Variants in TAF2 observed in about 807,000 individuals in gnomAD.
TAF2 encodes transcription initiation factor TFIID subunit 2.
A neutral mutation model predicts 138.5 loss-of-function variants in TAF2; 61 were observed. The observed-to-expected ratio is 0.44, with a 90% CI of 0.36 to 0.54. The LOEUF (loss-of-function observed/expected upper bound fraction) is 0.54, where lower values mean the gene tolerates loss of function less well. Ranked by LOEUF, TAF2 falls within the 20% of genes least tolerant of loss-of-function variation. TAF2 has a pLI of 0.00. For missense variants in TAF2, 1,090 were observed against 1,427.9 expected, an observed-to-expected ratio of 0.76 and a Z score of 3.81; for synonymous variants, 475 against 469.9, an observed-to-expected ratio of 1.01 and a Z score of -0.14.
intron 18 of TAF2, among the ~76,000 whole-genome samples, chr8:119,770,713 T>C (rs995799796): frequency 2.0e-5 from 3 of 152,142 alleles, no homozygotes; most frequent in Non-Finnish European, 4.4e-5. Flanking sequence ...CACAACACTA[T>C]GACAGGAAGA....
chr8:119,828,262 A>G (rs1826224658), intron 2 of TAF2, among the ~76,000 whole-genome samples: 1 of 152,138 alleles, frequency 6.6e-6, no homozygotes, highest in South Asian at 2.1e-4. Flanking sequence ...GAATGCATCC[A>G]CCAGGGCACA....
chr8:119,765,446 A>G (rs989547922), intron 18 of TAF2, among the ~76,000 whole-genome samples: 2 of 152,164 alleles, frequency 1.3e-5, no homozygotes, highest in African/African-American at 4.8e-5. Context: ...GGAGAAAGGC[A>G]CCCTTGGGTT....
At chr8:119,759,588 G>A (rs2131052171) in intron 20 of TAF2, among the ~76,000 whole-genome samples, 1 of 152,084 alleles carries the variant, frequency 6.6e-6, no homozygotes, top group East Asian at 1.9e-4. Flanking sequence ...TTTGAAATAT[G>A]CATTACATTT....
At chr8:119,761,227 C>T (rs1269910050) in intron 19 of TAF2, among the ~76,000 whole-genome samples, 1 of 152,120 alleles carries the variant, frequency 6.6e-6, no homozygotes, top group Admixed American at 6.5e-5. Flanking sequence ...TAAGTACTTA[C>T]CATTGTGTTA....
rs1259365884 is a variant in TAF2 at position 119,756,094 on chromosome 8, C to T, written c.2790G>A (p.Leu930=). The T allele has an allele frequency of 2.5e-6, 4 of 1,613,304 alleles. No homozygotes were observed. Among genetic ancestry groups the T allele is most frequent in the Non-Finnish European group, 3.4e-6 (4 of 1,179,742 alleles). ...PYVRHKILNM[L]TKNPPFTKNM... Reference sequence around the variant, plus strand: ...TCTTAGTAAATGGTGGGTTCTTAGTCAACATGTTGAGAATCTTATGCCTGA... The same window carrying T: ...TCTTAGTAAATGGTGGGTTCTTAGTTAACATGTTGAGAATCTTATGCCTGA... Residue 930 remains leucine, a synonymous_variant, in exon 22 of 26, where the codon TTG becomes TTA. Coordinates refer to ENST00000378164, the MANE Select transcript of TAF2 (RefSeq NM_003184.4).
At position 119,824,186 on chromosome 8, in the gene TAF2, A is replaced by C. The variant is rs184657824; in HGVS notation, c.139-4680T>G. Among the ~76,000 whole-genome samples, 1,370 of 152,144 alleles carry C rather than the reference A, an allele frequency of 9.0e-3. 16 individuals carry two copies. The highest frequency in any genetic ancestry group is 0.031 in the African/African-American group (1,306 of 41,510). On this transcript the variant is annotated intron_variant, in intron 2 of 25. Coordinates refer to ENST00000378164, the MANE Select transcript of TAF2 (RefSeq NM_003184.4). ...CGGCTCACACCTGTAATCCCAGCAC[A>C]TTGGGAGGCTGAGGCAGGTGGATCA...
chr8:119,744,978 A>C (rs1281123480), intron 23 of TAF2: 2 of 455,570 alleles, frequency 4.4e-6, no homozygotes, highest in Non-Finnish European at 8.8e-6. Context: ...CTTCCTCTTC[A>C]CTCCCTGCTG....
intron 3 of TAF2, among the ~76,000 whole-genome samples, chr8:119,818,678 T>C (rs1466739344): frequency 6.6e-6 from 1 of 151,024 alleles, no homozygotes; most frequent in Non-Finnish European, 1.5e-5. Context: ...CAAACTATAC[T>C]ACACTGAGCA....
At chr8:119,830,259 A>G (rs1477494881) in intron 2 of TAF2, among the ~76,000 whole-genome samples, 1 of 152,132 alleles carries the variant, frequency 6.6e-6, no homozygotes, top group Admixed American at 6.5e-5. Context: ...GGATTAAAAT[A>G]TTATCTATCT....
chr8:119,788,307 T>G (rs759577155), intron 14 of TAF2, 31 bp downstream of exon 14: 2 of 1,577,324 alleles, frequency 1.3e-6, no homozygotes, highest in Non-Finnish European at 1.7e-6. Context: ...GTAGTTTAAC[T>G]TTCAATTTAT....
chr8:119,744,979 C>T, intron 23 of TAF2: 1 of 456,244 alleles, frequency 2.2e-6, no homozygotes, highest in Non-Finnish European at 4.4e-6. Flanking sequence ...TTCCTCTTCA[C>T]TCCCTGCTGA....
Position 119,732,169 on chromosome 8 carries a change from A to G in TAF2, c.3355T>C (p.Leu1119=). Residue 1119 remains leucine, a synonymous_variant, in exon 26 of 26, where the codon TTG becomes CTG. Transcript: ENST00000378164. ...GCCGCTGGATGCATACTCATCTCCA[A>G]AGGTGCTTGTTCTTTACCTTCAAGA... ...RKGTGKEQAP[L]EMSMHPAASA... is the part of the protein sequence containing the mutation. The G allele has an allele frequency of 1.9e-6, 3 of 1,614,156 alleles. No individual in the cohort carries two copies. Among genetic ancestry groups the G allele is most frequent in the Non-Finnish European group, 2.5e-6 (3 of 1,180,020 alleles).
rs968364264 is a variant in TAF2 at position 119,797,718 on chromosome 8, G to A, written c.921C>T (p.Val307=). The part of the protein sequence containing the change: ...CRYPYSCFKT[V]FIDEAYVEVA... ...CTTCAACATAAGCCTCATCAATGAA[G>A]ACAGTCTTAAAACAGGAGTATGGGT... Residue 307 remains valine (V), a synonymous_variant, in exon 7 of 26, where the codon GTC becomes GTT. Transcript: ENST00000378164. 1.7e-5 allele frequency: 27 copies of A among 1,613,612 alleles called. No homozygotes were observed. Among genetic ancestry groups the A allele is most frequent in the Non-Finnish European group, 2.2e-5 (26 of 1,179,732 alleles).
intron 1 of TAF2, among the ~76,000 whole-genome samples, chr8:119,832,100 A>C (rs912671482): frequency 6.6e-6 from 1 of 151,994 alleles, no homozygotes; most frequent in Non-Finnish European, 1.5e-5. Context: ...TGGAGGCTGC[A>C]GTGAGCCGAG....
intron 25 of TAF2, among the ~76,000 whole-genome samples, chr8:119,734,978 T>C (rs976766411): frequency 1.3e-5 from 2 of 152,212 alleles, no homozygotes; most frequent in Admixed American, 6.5e-5. Flanking sequence ...TTTCTTCAAA[T>C]TTCCCAAAGG....
chr8:119,762,917 T>TAAAA, intron 18 of TAF2: 1 of 186,506 alleles, frequency 5.4e-6, no homozygotes, highest in Non-Finnish European at 1.1e-5. Flanking sequence ...AGGAAGCCAC[T>TAAAA]AAAAAAAAAA....
intron 17 of TAF2, among the ~76,000 whole-genome samples, chr8:119,780,487 G>A (rs550714344): frequency 6.6e-5 from 10 of 152,228 alleles, no homozygotes; most frequent in Middle Eastern, 3.4e-3. Flanking sequence ...ACTGCCAATC[G>A]AAGGGCTTAC....
chr8:119,757,833 T>G (rs1820801100), intron 21 of TAF2, among the ~76,000 whole-genome samples: 2 of 151,884 alleles, frequency 1.3e-5, no homozygotes, highest in Non-Finnish European at 2.9e-5. Flanking sequence ...GAGGCGGAGG[T>G]TGCAGTGAGC....
chr8:119,822,344 C>T (rs1207761624), intron 2 of TAF2, among the ~76,000 whole-genome samples: 2 of 151,916 alleles, frequency 1.3e-5, no homozygotes, highest in Non-Finnish European at 2.9e-5. Context: ...ACCTCAGCCT[C>T]CAGAGTAGCT....
Sources: allele counts gnomAD v4.1 joint callset (sites outside exome capture counted in the v4.1 genomes callset), GRCh38; gene constraint gnomAD v4.1.1; transcripts MANE v1.5; gene names NCBI Gene and HGNC (gene_info 2026-07-23, HGNC 2026-07-21).